RNGTT: variants seen among roughly 807,000 people sequenced by gnomAD.
RNGTT encodes RNA guanylyltransferase and 5'-phosphatase, also known as mRNA-capping enzyme.
A neutral mutation model predicts 79.3 loss-of-function variants in RNGTT; 33 were observed. The observed-to-expected ratio is 0.42, with a 90% confidence interval of 0.32 to 0.56. RNGTT has a LOEUF of 0.56. Among genes scored for constraint, RNGTT ranks in the 20% least tolerant of loss-of-function variants. RNGTT has a pLI of 0.17. For missense variants in RNGTT, 497 were observed against 739.1 expected (o/e 0.67, Z 3.80); for synonymous variants, 222 against 235.9 (o/e 0.94, Z 0.54).
chr6:88,783,437 T>C (rs1015466111), intron 12 of RNGTT, among the ~76,000 whole-genome samples: 1 of 152,094 alleles, frequency 6.6e-6, no homozygotes, highest in Admixed American at 6.5e-5. Context: ...AAATGGCAGG[T>C]AGACAGAGAT....
At chr6:88,857,658 A>T (rs1018488504) in intron 8 of RNGTT, among the ~76,000 whole-genome samples, 7 of 152,198 alleles carry the variant, frequency 4.6e-5, no homozygotes, top group Non-Finnish European at 1.0e-4. Flanking sequence ...TAATATGGAA[A>T]GAGATTTACA....
intron 4 of RNGTT, among the ~76,000 whole-genome samples, chr6:88,927,289 G>A (rs1046220023): frequency 3.3e-5 from 5 of 152,106 alleles, no homozygotes; most frequent in East Asian, 1.9e-4. Context: ...TTGGGAGGCC[G>A]AGGTAGGCAG....
chr6:88,831,379 A>G (rs1780858852), intron 11 of RNGTT, among the ~76,000 whole-genome samples: 1 of 152,194 alleles, frequency 6.6e-6, no homozygotes, highest in Admixed American at 6.5e-5. Flanking sequence ...GCCTTCGATA[A>G]AATTCAACAC....
At chr6:88,765,191 CAA>C (rs11286162) in intron 13 of RNGTT, among the ~76,000 whole-genome samples, 193 of 84,354 alleles carry the variant, frequency 2.3e-3, no homozygotes, top group African/African-American at 6.5e-3. Context: ...GACTCCATCT[CAA>C]AAAAAAAAAA....
At chr6:88,874,082 C>T (rs77358464) in intron 8 of RNGTT, among the ~76,000 whole-genome samples, 5,194 of 152,162 alleles carry the variant, frequency 0.034, 311 homozygotes, top group African/African-American at 0.12. Flanking sequence ...AAGTAGCTCT[C>T]ATAATGAGAA....
At chr6:88,619,482 T>A (rs1396855850) in intron 14 of RNGTT, among the ~76,000 whole-genome samples, 1 of 152,194 alleles carries the variant, frequency 6.6e-6, no homozygotes, top group Non-Finnish European at 1.5e-5. Context: ...GGGGATTTTT[T>A]TAAAGAACAG....
At chr6:88,762,190 C>A (rs1263975487) in intron 13 of RNGTT, among the ~76,000 whole-genome samples, 1 of 152,040 alleles carries the variant, frequency 6.6e-6, no homozygotes, top group East Asian at 1.9e-4. Flanking sequence ...ATACAACCTG[C>A]GGTTATTTTC....
chr6:88,748,827 A>G (rs1777749742), intron 13 of RNGTT, among the ~76,000 whole-genome samples: 1 of 152,142 alleles, frequency 6.6e-6, no homozygotes, highest in Non-Finnish European at 1.5e-5. Context: ...AGAAATGATG[A>G]AAAACAATGT....
intron 14 of RNGTT, among the ~76,000 whole-genome samples, chr6:88,642,003 CAGA>C (rs1385467565): frequency 6.6e-6 from 1 of 152,084 alleles, no homozygotes; most frequent in Non-Finnish European, 1.5e-5. Flanking sequence ...AAGGAACACA[CAGA>C]AGAATTAGCT....
chr6:88,635,353 A>G (rs1183818599), intron 14 of RNGTT, among the ~76,000 whole-genome samples: 1 of 152,120 alleles, frequency 6.6e-6, no homozygotes, highest in East Asian at 1.9e-4. Flanking sequence ...TAAAATTTAC[A>G]CAGAGGAATA....
At chr6:88,849,309 A>C (rs536956117) in intron 10 of RNGTT, among the ~76,000 whole-genome samples, 1 of 152,078 alleles carries the variant, frequency 6.6e-6, no homozygotes, top group East Asian at 1.9e-4. Context: ...TGTCCAGAAA[A>C]AAATGTCTTT....
intron 11 of RNGTT, among the ~76,000 whole-genome samples, chr6:88,810,204 T>C (rs919909639): frequency 1.3e-5 from 2 of 152,146 alleles, no homozygotes; most frequent in Admixed American, 6.5e-5. Flanking sequence ...TGGGCTGAGA[T>C]AGTGTACACA....
intron 12 of RNGTT, among the ~76,000 whole-genome samples, chr6:88,798,827 T>C (rs553575210): frequency 6.6e-6 from 1 of 152,236 alleles, no homozygotes; most frequent in Admixed American, 6.5e-5. Flanking sequence ...AACAGAAATC[T>C]ACCACAAACA....
intron 11 of RNGTT, among the ~76,000 whole-genome samples, chr6:88,826,668 A>T (rs1353057950): frequency 1.3e-5 from 2 of 151,490 alleles, no homozygotes; most frequent in Admixed American, 6.6e-5. Context: ...CTGTAATCTC[A>T]ACTACTTGGG....
intron 4 of RNGTT, among the ~76,000 whole-genome samples, chr6:88,911,627 C>T (rs1158280827): frequency 6.6e-6 from 1 of 151,928 alleles, no homozygotes; most frequent in Non-Finnish European, 1.5e-5. Context: ...TACATGGAAA[C>T]GAAACAACTT....
At chr6:88,632,534 C>G (rs1219268554) in intron 14 of RNGTT, among the ~76,000 whole-genome samples, 26 of 96,764 alleles carry the variant, frequency 2.7e-4, no homozygotes, top group African/African-American at 1.1e-3. Flanking sequence ...TACAGACACA[C>G]AGACACACAG....
At chr6:88,650,395 A>G (rs938681472) in intron 14 of RNGTT, among the ~76,000 whole-genome samples, 1 of 152,202 alleles carries the variant, frequency 6.6e-6, no homozygotes, top group Non-Finnish European at 1.5e-5. Context: ...ACTTAAAAAC[A>G]TCTGTTCCTT....
At chr6:88,917,086 T>C (rs1308966010) in intron 4 of RNGTT, among the ~76,000 whole-genome samples, 1 of 152,252 alleles carries the variant, frequency 6.6e-6, no homozygotes, top group Non-Finnish European at 1.5e-5. Flanking sequence ...TAAGTCCCTA[T>C]TAAATATATC....
At chr6:88,863,018 T>C (rs560770148) in intron 8 of RNGTT, among the ~76,000 whole-genome samples, 1 of 152,326 alleles carries the variant, frequency 6.6e-6, no homozygotes, top group East Asian at 1.9e-4. Flanking sequence ...ATGAAACAGA[T>C]GTGACTGATT....
Sources: allele counts gnomAD v4.1 joint callset (sites outside exome capture counted in the v4.1 genomes callset), GRCh38; gene constraint gnomAD v4.1.1; transcripts MANE v1.5; gene names NCBI Gene and HGNC (gene_info 2026-07-23, HGNC 2026-07-21).